The following DPY19L3 variants were observed in gnomAD, a reference collection of about 807,000 sequenced individuals.
DPY19L3 encodes protein C-mannosyl-transferase DPY19L3.
DPY19L3 carries 51 observed loss-of-function variants against 92.3 expected under a neutral mutation model. The ratio of observed to expected loss-of-function variants is 0.55; its 90% CI spans 0.44 to 0.70. DPY19L3 has a LOEUF of 0.70. Ranked by LOEUF, DPY19L3 falls within the 30% of genes least tolerant of loss-of-function variation. The pLI, the probability that DPY19L3 is intolerant of heterozygous loss-of-function variation, is 0.00. For synonymous variants in DPY19L3, 309 were observed against 315.2 expected (o/e 0.98, Z 0.21); for missense variants, 706 against 855.9 (o/e 0.82, Z 2.18).
intron 15 of DPY19L3, chr19:32,467,878 T>C (rs1970244304): frequency 1.0e-6 from 1 of 984,986 alleles, no homozygotes; most frequent in Non-Finnish European, 1.2e-6. Flanking sequence ...CAGAGAGTAA[T>C]TTTTACATTT....
chr19:32,480,302 G>C (rs986655216), intron 17 of DPY19L3, 97 bp from the exon 18 acceptor site: 2 of 1,368,812 alleles, frequency 1.5e-6, no homozygotes, highest in Admixed American at 2.5e-5. Flanking sequence ...TTGGGTGTTA[G>C]GTCTTAGACT....
intron 3 of DPY19L3, among the ~76,000 whole-genome samples, chr19:32,417,440 C>T (rs1225095832): frequency 1.3e-5 from 2 of 152,234 alleles, no homozygotes; most frequent in Non-Finnish European, 2.9e-5. Context: ...CTGCCTCAGC[C>T]ACCTGAGTAG....
At chr19:32,473,477 A>C (rs1045142821) in intron 16 of DPY19L3, among the ~76,000 whole-genome samples, 6 of 152,244 alleles carry the variant, frequency 3.9e-5, no homozygotes, top group African/African-American at 9.6e-5. Context: ...CATTATGTCC[A>C]TCACTGTGCA....
intron 12 of DPY19L3, among the ~76,000 whole-genome samples, chr19:32,461,351 A>G (rs898283098): frequency 2.0e-5 from 3 of 152,266 alleles, no homozygotes; most frequent in African/African-American, 7.2e-5. Context: ...TGAAAGGGGC[A>G]TGGTGTTCTG....
intron 4 of DPY19L3, among the ~76,000 whole-genome samples, chr19:32,434,579 A>G (rs1969077608): frequency 6.6e-6 from 1 of 152,214 alleles, no homozygotes; most frequent in Non-Finnish European, 1.5e-5. Context: ...GAATCGCTTA[A>G]ACCTGGGAGG....
At chr19:32,419,639 G>C (rs1313977909) in intron 3 of DPY19L3, among the ~76,000 whole-genome samples, 1 of 151,736 alleles carries the variant, frequency 6.6e-6, no homozygotes, top group Non-Finnish European at 1.5e-5. Flanking sequence ...TCACTTTGTT[G>C]TACAGGCTGT....
chr19:32,437,310 G>T lies in DPY19L3; in HGVS notation c.567G>T (p.Leu189=). 1 of 1,613,932 alleles carries T rather than the reference G, an allele frequency of 6.2e-7. No homozygotes were observed. Among genetic ancestry groups the T allele is most frequent in the Non-Finnish European group, 8.5e-7 (1 of 1,179,884 alleles). The change falls in exon 6 of 19, where the codon CTG becomes CTT. Residue 189 remains leucine, a synonymous_variant. Coordinates refer to ENST00000392250, the MANE Select transcript of DPY19L3 (RefSeq NM_001172774.2). ...WLLSGTWLSG[L]LAAFWYVTNR... Reference sequence around the variant, plus strand: ...TCAGTGGTACATGGCTGTCAGGACTGTTGGCAGCTTTCTGGTATGTCACAA... The same window carrying T: ...TCAGTGGTACATGGCTGTCAGGACTTTTGGCAGCTTTCTGGTATGTCACAA...
intron 2 of DPY19L3, 151 bp from the exon 3 acceptor site, chr19:32,411,088 G>A: frequency 2.8e-6 from 2 of 718,634 alleles, no homozygotes; most frequent in South Asian, 1.9e-5. Flanking sequence ...AAACAGGTCT[G>A]TGGAATCAGA....
intron 16 of DPY19L3, among the ~76,000 whole-genome samples, chr19:32,475,038 A>G (rs1269277387): frequency 6.6e-6 from 1 of 152,220 alleles, no homozygotes; most frequent in Non-Finnish European, 1.5e-5. Context: ...TGAACTCTGT[A>G]ATTCATCCAA....
chr19:32,427,834 T>C (rs544502641), intron 3 of DPY19L3, among the ~76,000 whole-genome samples: 3 of 152,334 alleles, frequency 2.0e-5, no homozygotes, highest in East Asian at 1.9e-4. Context: ...AGCTGTCTTA[T>C]GGGCTACTAT....
chr19:32,423,010 A>G (rs762036855), intron 3 of DPY19L3, among the ~76,000 whole-genome samples: 4 of 152,180 alleles, frequency 2.6e-5, no homozygotes, highest in Non-Finnish European at 5.9e-5. Flanking sequence ...TGGCATACAA[A>G]CTTTTTTGTT....
In DPY19L3 at chr19:32,458,519, A is replaced by G. The variant is rs377309591; in HGVS notation, c.1322+10A>G. 1.0e-4 allele frequency: 167 copies of G among 1,595,802 alleles called. No individual in the cohort carries two copies. The highest frequency in any genetic ancestry group is 1.4e-4 in the Non-Finnish European group (162 of 1,175,002). On this transcript the variant is annotated intron_variant, in intron 12 of 18. Transcript: ENST00000392250. ...CCTTTCATAATCTCAGGTATGGTAT[A>G]TTTCAGAAATCTAATGCTCTCCTTT...
At chr19:32,418,398 A>G (rs1968448696) in intron 3 of DPY19L3, among the ~76,000 whole-genome samples, 1 of 152,240 alleles carries the variant, frequency 6.6e-6, no homozygotes. Context: ...GACTATAATG[A>G]AGGAAATGTT....
chr19:32,463,604 C>A, intron 13 of DPY19L3, 116 bp downstream of exon 13: 1 of 1,247,220 alleles, frequency 8.0e-7, no homozygotes, highest in Non-Finnish European at 1.1e-6. Flanking sequence ...CCCATAAAAT[C>A]ATCCTTATAT....
In DPY19L3 at chr19:32,432,659, A is replaced by G. The variant is rs762186612; in HGVS notation, c.238-57A>G. The G allele has an allele frequency of 2.4e-4, 336 of 1,416,336 alleles. 1 individual carries two copies. The highest frequency in any genetic ancestry group is 3.1e-4 in the Non-Finnish European group (316 of 1,009,572). The allele number at this position is 1,416,336 out of a possible 1,614,324, so 87.7% of individuals were successfully genotyped here. A position where few individuals can be genotyped will look rare whatever the true frequency, so the allele number is the denominator to read the frequency against. On this transcript the variant is annotated intron_variant, in intron 3 of 18. Coordinates refer to ENST00000392250, the MANE Select transcript of DPY19L3 (RefSeq NM_001172774.2). ...GTTATGTATCCTTTCTACAGTAACA[A>G]TATGTATTTAAACAAAACTAGGTCA...
At chr19:32,437,380 A>T (rs761181727) in intron 6 of DPY19L3, 41 bp downstream of exon 6, 4 of 1,574,988 alleles carry the variant, frequency 2.5e-6, no homozygotes, top group Non-Finnish European at 3.4e-6. Context: ...TCCAAAATGT[A>T]AGTAAAAATG....
intron 2 of DPY19L3, among the ~76,000 whole-genome samples, chr19:32,408,890 A>T (rs1186778248): frequency 3.3e-5 from 5 of 151,862 alleles, no homozygotes; most frequent in Non-Finnish European, 7.4e-5. Context: ...TGCATCAGAT[A>T]GCATTAATTA....
intron 17 of DPY19L3, among the ~76,000 whole-genome samples, chr19:32,478,655 A>T (rs1301146935): frequency 6.6e-6 from 1 of 152,218 alleles, no homozygotes; most frequent in African/African-American, 2.4e-5. Flanking sequence ...TTACAGAAGA[A>T]GTGGCATTCT....
At chr19:32,407,948 G>A (rs1023612954) in intron 1 of DPY19L3, among the ~76,000 whole-genome samples, 1 of 152,004 alleles carries the variant, frequency 6.6e-6, no homozygotes. Context: ...AATTAGCCAG[G>A]TGTAGTAGCA....
Sources: allele counts gnomAD v4.1 joint callset (sites outside exome capture counted in the v4.1 genomes callset), GRCh38; gene constraint gnomAD v4.1.1; transcripts MANE v1.5; gene names NCBI Gene and HGNC (gene_info 2026-07-23, HGNC 2026-07-21).